Variants in SHROOM3 observed in about 807,000 individuals in gnomAD.
SHROOM3 encodes the protein protein Shroom3.
SHROOM3 carries 47 observed loss-of-function variants against 138.6 expected under a neutral mutation model. The ratio of observed to expected loss-of-function variants is 0.34; its 90% CI spans 0.27 to 0.43. The LOEUF is 0.43. Among genes scored for constraint, SHROOM3 ranks in the 20% least tolerant of loss-of-function variants. SHROOM3 has a pLI of 1.00. For synonymous variants in SHROOM3, 1,062 were observed against 1,063.3 expected (o/e 1.00, Z 0.02); for missense variants, 2,491 against 2,596.5 (o/e 0.96, Z 0.88).
chr4:76,488,101 A>G (rs974921401), intron 1 of SHROOM3, among the ~76,000 whole-genome samples: 2 of 152,170 alleles, frequency 1.3e-5, no homozygotes, highest in East Asian at 1.9e-4. Context: ...GTATTGTGCT[A>G]TTGGAGTTAT....
intron 2 of SHROOM3, chr4:76,559,465 C>CT (rs929044394): frequency 2.0e-5 from 3 of 152,116 alleles, no homozygotes; most frequent in Admixed American, 1.3e-4. Context: ...TATTAACTTT[C>CT]TTTTTTTCTA....
At chr4:76,437,940 G>A (rs1158358035) in intron 1 of SHROOM3, among the ~76,000 whole-genome samples, 1 of 152,142 alleles carries the variant, frequency 6.6e-6, no homozygotes, top group Non-Finnish European at 1.5e-5. Flanking sequence ...TCCCACTAAT[G>A]AGCCAGCTTC....
chr4:76,771,586 CAGTG>C (rs1336582441), intron 10 of SHROOM3, among the ~76,000 whole-genome samples: 3 of 152,278 alleles, frequency 2.0e-5, no homozygotes, highest in African/African-American at 7.2e-5. Flanking sequence ...CACAGGCACT[CAGTG>C]AGGACGCACC....
At chr4:76,501,103 C>G (rs2109999380) in intron 1 of SHROOM3, among the ~76,000 whole-genome samples, 1 of 152,250 alleles carries the variant, frequency 6.6e-6, no homozygotes, top group Non-Finnish European at 1.5e-5. Context: ...CAGGTGTGAG[C>G]CACTGTGCAT....
intron 1 of SHROOM3, among the ~76,000 whole-genome samples, chr4:76,552,617 C>T (rs1335988029): frequency 1.3e-5 from 2 of 150,210 alleles, no homozygotes; most frequent in Non-Finnish European, 1.5e-5. Flanking sequence ...ATACATTCCT[C>T]ATTATGTTTG....
chr4:76,668,163 C>G (rs560190085), intron 2 of SHROOM3, among the ~76,000 whole-genome samples: 1 of 152,066 alleles, frequency 6.6e-6, no homozygotes, highest in East Asian at 1.9e-4. Flanking sequence ...GACTCCGGCG[C>G]TCCCCATGGC....
At chr4:76,630,526 G>A (rs7694553) in intron 2 of SHROOM3, among the ~76,000 whole-genome samples, 55,301 of 151,976 alleles carry the variant, frequency 0.36, 10,648 homozygotes, top group East Asian at 0.52. Context: ...AGGGAGAGTC[G>A]GAGAGAGCCT....
At chr4:76,722,428 T>C (rs566014878) in intron 3 of SHROOM3, among the ~76,000 whole-genome samples, 24 of 152,336 alleles carry the variant, frequency 1.6e-4, no homozygotes, top group African/African-American at 5.1e-4. Flanking sequence ...AAATTCTGCA[T>C]GTTCTCATAA....
intron 7 of SHROOM3, among the ~76,000 whole-genome samples, chr4:76,755,420 T>A (rs1030993518): frequency 6.6e-6 from 1 of 152,134 alleles, no homozygotes; most frequent in African/African-American, 2.4e-5. Flanking sequence ...AAGGGGCACA[T>A]TTCACTTCTG....
chr4:76,752,771 A>T (rs1270619501), intron 6 of SHROOM3, among the ~76,000 whole-genome samples: 1 of 152,236 alleles, frequency 6.6e-6, no homozygotes, highest in African/African-American at 2.4e-5. Flanking sequence ...ACAAACTAAA[A>T]ACATCATATA....
At chr4:76,645,509 C>T (rs1735794657) in intron 2 of SHROOM3, 1 of 152,254 alleles carries the variant, frequency 6.6e-6, no homozygotes, top group Non-Finnish European at 1.5e-5. Flanking sequence ...CCCAGCACAA[C>T]ACATGCAGAA....
chr4:76,612,693 C>G (rs1290496007), intron 2 of SHROOM3, among the ~76,000 whole-genome samples: 3 of 152,110 alleles, frequency 2.0e-5, no homozygotes, highest in African/African-American at 7.2e-5. Flanking sequence ...AATCCCAGCA[C>G]TTTGGAACAC....
intron 2 of SHROOM3, among the ~76,000 whole-genome samples, chr4:76,697,197 G>A (rs1178159338): frequency 4.0e-5 from 6 of 151,398 alleles, no homozygotes. Flanking sequence ...CAAAACACTG[G>A]GATTAAGGTG....
chr4:76,732,146 G>A (rs1043004101), intron 4 of SHROOM3, among the ~76,000 whole-genome samples: 24 of 152,190 alleles, frequency 1.6e-4, no homozygotes, highest in East Asian at 1.3e-3. Flanking sequence ...GTTAGACTCC[G>A]TAGCTTATCA....
chr4:76,507,595 G>A (rs1211611330), intron 1 of SHROOM3, among the ~76,000 whole-genome samples: 1 of 148,610 alleles, frequency 6.7e-6, no homozygotes, highest in African/African-American at 2.5e-5. Flanking sequence ...CGAGTGCAGT[G>A]GCGTGATCTC....
intron 2 of SHROOM3, among the ~76,000 whole-genome samples, chr4:76,599,517 C>G (rs530657187): frequency 1.3e-5 from 2 of 152,170 alleles, no homozygotes; most frequent in South Asian, 4.2e-4. Flanking sequence ...TATCTTAAAC[C>G]CTTTCTCATT....
At chr4:76,507,469 TGAC>T (rs1732236019) in intron 1 of SHROOM3, among the ~76,000 whole-genome samples, 1 of 152,144 alleles carries the variant, frequency 6.6e-6, no homozygotes, top group Non-Finnish European at 1.5e-5. Flanking sequence ...ATTGTGATTT[TGAC>T]TTGCACTTAT....
intron 4 of SHROOM3, among the ~76,000 whole-genome samples, chr4:76,734,488 CTA>C (rs1720970911): frequency 1.3e-5 from 2 of 149,280 alleles, no homozygotes; most frequent in South Asian, 4.4e-4. Context: ...ATTTTGTGCT[CTA>C]TGTTTTAAAT....
At chr4:76,538,509 G>A (rs1733028983) in intron 1 of SHROOM3, among the ~76,000 whole-genome samples, 1 of 152,128 alleles carries the variant, frequency 6.6e-6, no homozygotes, top group African/African-American at 2.4e-5. Flanking sequence ...GAGCTGGGGG[G>A]AAAATCTTCA....
Sources: gnomAD v4.1 joint callset for allele counts (sites outside exome capture counted in the v4.1 genomes callset) on GRCh38, gnomAD v4.1.1 for gene constraint, MANE v1.5 for transcripts, NCBI Gene and HGNC (gene_info 2026-07-23, HGNC 2026-07-21) for gene names.